PPP3CB: variants seen among roughly 807,000 people sequenced by gnomAD.
PPP3CB encodes protein phosphatase 3 catalytic subunit beta, also known as serine/threonine-protein phosphatase 2B catalytic subunit beta isoform.
PPP3CB carries 8 observed loss-of-function variants against 66.4 expected under a neutral mutation model. That is an observed-to-expected ratio of 0.12 (90% CI 0.07 to 0.22). The LOEUF (loss-of-function observed/expected upper bound fraction) is 0.22, where lower values mean the gene tolerates loss of function less well. Among genes scored for constraint, PPP3CB ranks in the 10% least tolerant of loss-of-function variants. The pLI, the probability that PPP3CB is intolerant of heterozygous loss-of-function variation, is 1.00. For missense variants in PPP3CB, 319 were observed against 642.5 expected (o/e 0.50, Z 5.44); for synonymous variants, 208 against 221.2 (o/e 0.94, Z 0.53).
intron 9 of PPP3CB, among the ~76,000 whole-genome samples, chr10:73,455,620 G>A (rs929364381): frequency 6.6e-6 from 1 of 152,110 alleles, no homozygotes; most frequent in Non-Finnish European, 1.5e-5. Context: ...CCAGGTTGGA[G>A]TGCAGTGGCG....
At chr10:73,457,637 G>T (rs1375390674) in intron 9 of PPP3CB, among the ~76,000 whole-genome samples, 1 of 151,672 alleles carries the variant, frequency 6.6e-6, no homozygotes, top group East Asian at 1.9e-4. Flanking sequence ...ACTTGGGAGG[G>T]TGAAGCAGGA....
intron 1 of PPP3CB, among the ~76,000 whole-genome samples, chr10:73,487,574 A>AC (rs2057001686): frequency 6.6e-6 from 1 of 150,990 alleles, no homozygotes; most frequent in South Asian, 2.1e-4. Flanking sequence ...CAAAAAAAAA[A>AC]AAAAAAAAAA....
intron 11 of PPP3CB, 71 bp downstream of exon 11, chr10:73,446,421 G>A: frequency 6.8e-7 from 1 of 1,472,074 alleles, no homozygotes; most frequent in Non-Finnish European, 9.5e-7. Flanking sequence ...TTAGATGCGG[G>A]ACAATGCTTG....
chr10:73,440,464 G>C (rs933033829), intron 12 of PPP3CB, among the ~76,000 whole-genome samples: 2 of 152,164 alleles, frequency 1.3e-5, no homozygotes, highest in African/African-American at 4.8e-5. Flanking sequence ...GAGCTGATAT[G>C]ACTACAGTGA....
chr10:73,447,620 G>T (rs961805397), intron 10 of PPP3CB, among the ~76,000 whole-genome samples: 1 of 152,046 alleles, frequency 6.6e-6, no homozygotes, highest in African/African-American at 2.4e-5. Context: ...TTCTGGGAGA[G>T]AACATCTCAT....
intron 13 of PPP3CB, among the ~76,000 whole-genome samples, 195 bp downstream of exon 13, chr10:73,439,677 C>T (rs956794359): frequency 6.6e-6 from 1 of 152,038 alleles, no homozygotes; most frequent in African/African-American, 2.4e-5. Context: ...AGACTGTCAC[C>T]ATAGACATCA....
chr10:73,495,746 C>G, intron 1 of PPP3CB, 59 bp downstream of exon 1: 1 of 1,534,006 alleles, frequency 6.5e-7, no homozygotes, highest in Non-Finnish European at 8.8e-7. Flanking sequence ...GTCTCCCGCC[C>G]GCCCTCACAC....
rs79331658 is a variant in PPP3CB at position 73,467,473 on chromosome 10, G to C, written c.1108+80C>G. 4.1e-3 allele frequency: 4,850 copies of C among 1,171,508 alleles called. 154 individuals carry two copies. The African/African-American group carries it at 0.071, about 17-fold the overall frequency. 72.6% of individuals were successfully genotyped at this position (1,171,508 alleles called of 1,614,324 possible). On this transcript the variant is annotated intron_variant, in intron 9 of 13. Coordinates refer to ENST00000360663, the MANE Select transcript of PPP3CB (RefSeq NM_021132.4). ...TGAAACTAGACTTTGGTTTCCTTTA[G>C]CAAGTATGTGCCTATGATAGTAAAC...
At chr10:73,447,978 C>T (rs1160959604) in intron 10 of PPP3CB, among the ~76,000 whole-genome samples, 2 of 151,420 alleles carry the variant, frequency 1.3e-5, no homozygotes. Flanking sequence ...AATGGAGATA[C>T]TATAAAGTGC....
chr10:73,456,543 T>C (rs117374356), intron 9 of PPP3CB, among the ~76,000 whole-genome samples: 570 of 152,296 alleles, frequency 3.7e-3, no homozygotes, highest in Admixed American at 7.3e-3. Flanking sequence ...TTAAGGTCAA[T>C]TGATTTTTGA....
intron 9 of PPP3CB, among the ~76,000 whole-genome samples, chr10:73,457,350 T>C (rs1009173262): frequency 2.0e-5 from 3 of 146,598 alleles, no homozygotes; most frequent in African/African-American, 7.6e-5. Context: ...GCGGTAAGAC[T>C]GCCTGAGTCC....
At chr10:73,486,132 G>C (rs2056972276) in intron 1 of PPP3CB, among the ~76,000 whole-genome samples, 2 of 150,672 alleles carry the variant, frequency 1.3e-5, no homozygotes, top group Admixed American at 1.3e-4. Flanking sequence ...TTTTAGTAGA[G>C]ACGGGGTTTC....
chr10:73,449,942 C>T (rs1055357676), intron 10 of PPP3CB, among the ~76,000 whole-genome samples: 2 of 152,004 alleles, frequency 1.3e-5, no homozygotes, highest in Admixed American at 6.5e-5. Flanking sequence ...ACTACAGGTG[C>T]GCACCACCAT....
chr10:73,480,244 C>T (rs1244454757), intron 1 of PPP3CB, among the ~76,000 whole-genome samples: 2 of 151,998 alleles, frequency 1.3e-5, no homozygotes, highest in Non-Finnish European at 2.9e-5. Flanking sequence ...CCTTACTTAA[C>T]GTTTCACAAA....
At chr10:73,485,567 T>C (rs1238477630) in intron 1 of PPP3CB, among the ~76,000 whole-genome samples, 4 of 152,222 alleles carry the variant, frequency 2.6e-5, no homozygotes. Flanking sequence ...TTGCCATCCT[T>C]GGCAACTATC....
At chr10:73,480,049 C>G (rs914782685) in intron 1 of PPP3CB, among the ~76,000 whole-genome samples, 5 of 151,850 alleles carry the variant, frequency 3.3e-5, no homozygotes, top group Non-Finnish European at 5.9e-5. Context: ...GAAAGAAAAC[C>G]CAAATACAAG....
At chr10:73,451,449 A>T (rs911575304) in intron 10 of PPP3CB, among the ~76,000 whole-genome samples, 4 of 152,240 alleles carry the variant, frequency 2.6e-5, no homozygotes, top group Non-Finnish European at 5.9e-5. Flanking sequence ...ATTTAACTTG[A>T]TAATGACAAA....
At chr10:73,451,157 C>G (rs1033703838) in intron 10 of PPP3CB, among the ~76,000 whole-genome samples, 51 of 152,004 alleles carry the variant, frequency 3.4e-4, no homozygotes, top group African/African-American at 1.2e-3. Context: ...TATCTACCAT[C>G]ATGCCTATTT....
At chr10:73,482,216 T>TA (rs2056890612) in intron 1 of PPP3CB, among the ~76,000 whole-genome samples, 1 of 151,942 alleles carries the variant, frequency 6.6e-6, no homozygotes, top group Non-Finnish European at 1.5e-5. Context: ...TTTTTTTTTT[T>TA]AGCACTCTAC....
Sources: gnomAD v4.1 joint callset for allele counts (sites outside exome capture counted in the v4.1 genomes callset) on GRCh38, gnomAD v4.1.1 for gene constraint, MANE v1.5 for transcripts, NCBI Gene and HGNC (gene_info 2026-07-23, HGNC 2026-07-21) for gene names.